The following CCDC171 variants were observed in gnomAD, a reference collection of about 807,000 sequenced individuals.
CCDC171 encodes the protein coiled-coil domain containing 171, also known as coiled-coil domain-containing protein 171.
Under a neutral mutation model 168.2 loss-of-function variants are expected in CCDC171, and 177 were observed. That is an observed-to-expected ratio of 1.05 (90% CI 0.93 to 1.19). The LOEUF (loss-of-function observed/expected upper bound fraction) is 1.19. Ranked by LOEUF, CCDC171 falls within the 50% of genes most tolerant of loss-of-function variation. CCDC171 has a pLI of 0.00. For missense variants in CCDC171, 1,991 were observed against 1,539.0 expected (o/e 1.29, Z -4.91); for synonymous variants, 687 against 540.8 (o/e 1.27, Z -3.75).
intron 21 of CCDC171, among the ~76,000 whole-genome samples, chr9:15,836,146 C>G (rs866478036): frequency 6.6e-6 from 1 of 151,912 alleles, no homozygotes; most frequent in Admixed American, 6.6e-5. Flanking sequence ...TATTAAATTG[C>G]CAAATGTAGA....
intron 8 of CCDC171, among the ~76,000 whole-genome samples, chr9:15,659,645 T>C (rs779459018): frequency 3.3e-5 from 5 of 152,188 alleles, no homozygotes; most frequent in Non-Finnish European, 5.9e-5. Flanking sequence ...TATGCACTTA[T>C]TTCCAGAAGA....
At position 15,802,204 on chromosome 9, in the gene CCDC171, C is replaced by CTTTA. The variant is rs986147980; in HGVS notation, c.3267+17526_3267+17529dup. Among the ~76,000 whole-genome samples, 11 of 151,462 alleles carry CTTTA rather than the reference C, an allele frequency of 7.3e-5. No homozygotes were observed. The East Asian group carries it at 1.9e-3, about 27-fold the overall frequency. On this transcript the variant is annotated intron_variant, in intron 21 of 25. Coordinates refer to ENST00000380701, the MANE Select transcript of CCDC171 (RefSeq NM_173550.4). ...TTTTTCCTACTGAGGGTTTATTGAG[C>CTTTA]TTTATTTATTTATTTATTTTTAAAT...
intron 6 of CCDC171, among the ~76,000 whole-genome samples, chr9:15,621,175 C>T (rs1186590290): frequency 5.9e-5 from 9 of 152,168 alleles, no homozygotes; most frequent in Admixed American, 5.9e-4. Context: ...CCATGTTGGC[C>T]AGGCTTGTCT....
At chr9:15,733,699 G>A (rs1406667280) in intron 16 of CCDC171, among the ~76,000 whole-genome samples, 3 of 151,436 alleles carry the variant, frequency 2.0e-5, no homozygotes, top group South Asian at 4.2e-4. Context: ...AAATCAGGTA[G>A]TGTGAGTCTT....
chr9:15,721,722 C>T (rs2053491476), intron 11 of CCDC171, 47 bp from the exon 12 acceptor site: 5 of 1,077,258 alleles, frequency 4.6e-6, no homozygotes, highest in Non-Finnish European at 6.5e-6. Context: ...TAAGTTTTGT[C>T]CCTTTGTGAC....
chr9:15,925,871 CT>C (rs1164893953), intron 25 of CCDC171, among the ~76,000 whole-genome samples: 2 of 151,582 alleles, frequency 1.3e-5, no homozygotes, highest in Non-Finnish European at 3.0e-5. Flanking sequence ...ATTTCCTTTC[CT>C]TTGGAACTCA....
chr9:16,040,375 C>T (rs2133054758), upstream of CCDC171, among the ~76,000 whole-genome samples: 1 of 152,262 alleles, frequency 6.6e-6, no homozygotes, highest in South Asian at 2.1e-4. Flanking sequence ...TTCCTGAGTT[C>T]TTGAAGGAAA....
chr9:15,771,124 TTTC>T (rs1344362755), intron 18 of CCDC171, among the ~76,000 whole-genome samples: 2 of 152,220 alleles, frequency 1.3e-5, no homozygotes, highest in African/African-American at 2.4e-5. Context: ...GTATTTATTT[TTTC>T]TTATTTTTTT....
chr9:15,829,124 C>G (rs2060130854), intron 21 of CCDC171, among the ~76,000 whole-genome samples: 1 of 152,094 alleles, frequency 6.6e-6, no homozygotes, highest in Non-Finnish European at 1.5e-5. Flanking sequence ...GTATAGACAC[C>G]CAAATTTCCT....
chr9:15,704,842 C>T (rs554894367), intron 11 of CCDC171, among the ~76,000 whole-genome samples: 1 of 152,204 alleles, frequency 6.6e-6, no homozygotes, highest in South Asian at 2.1e-4. Context: ...TAACAGTTTA[C>T]ACCTTGTTTC....
At chr9:15,746,486 T>TA (rs1457720039) in intron 18 of CCDC171, among the ~76,000 whole-genome samples, 1 of 152,216 alleles carries the variant, frequency 6.6e-6, no homozygotes, top group African/African-American at 2.4e-5. Context: ...AACCTCAAGA[T>TA]ACTGGGTTTG....
At chr9:15,582,594 A>C (rs145882318) in intron 4 of CCDC171, among the ~76,000 whole-genome samples, 1 of 152,204 alleles carries the variant, frequency 6.6e-6, no homozygotes, top group Non-Finnish European at 1.5e-5. Context: ...ATGGAATACT[A>C]TGCAGCCATA....
chr9:15,735,944 G>A (rs149418827), intron 16 of CCDC171, among the ~76,000 whole-genome samples: 181 of 152,180 alleles, frequency 1.2e-3, no homozygotes, highest in Non-Finnish European at 1.8e-3. Context: ...AATTGGCGTG[G>A]TGCTTGATAT....
intron 24 of CCDC171, among the ~76,000 whole-genome samples, chr9:15,896,445 T>G (rs1276439122): frequency 6.6e-6 from 1 of 151,944 alleles, no homozygotes; most frequent in African/African-American, 2.4e-5. Flanking sequence ...AAACTTTGAG[T>G]GATGGGATAA....
chr9:15,700,554 C>T (rs1023228060), intron 11 of CCDC171, among the ~76,000 whole-genome samples: 1 of 152,354 alleles, frequency 6.6e-6, no homozygotes, highest in South Asian at 2.1e-4. Context: ...GCAGAGGAGG[C>T]GCCGAGAGCA....
the CCDC171 span, among the ~76,000 whole-genome samples, chr9:16,066,682 A>G: frequency 2.8e-5 from 4 of 145,090 alleles, no homozygotes; most frequent in East Asian, 2.1e-4. Flanking sequence ...TCATTGTTCA[A>G]TTCCCACCTA....
chr9:16,087,261 C>G, the CCDC171 span, among the ~76,000 whole-genome samples: 1 of 152,156 alleles, frequency 6.6e-6, no homozygotes. Context: ...TGGTCCAGAG[C>G]TGAGTTCAAA....
intron 20 of CCDC171, among the ~76,000 whole-genome samples, chr9:15,782,128 C>T (rs2135453915): frequency 6.6e-6 from 1 of 152,278 alleles, no homozygotes; most frequent in South Asian, 2.1e-4. Context: ...GTGCCTGCAA[C>T]CATTTGTCTC....
At chr9:15,575,336 G>A (rs935804867) in intron 3 of CCDC171, among the ~76,000 whole-genome samples, 3 of 151,816 alleles carry the variant, frequency 2.0e-5, no homozygotes, top group African/African-American at 7.3e-5. Context: ...ACCATGCTTG[G>A]CTAATTTTTT....
Sources: allele counts gnomAD v4.1 joint callset (sites outside exome capture counted in the v4.1 genomes callset), GRCh38; gene constraint gnomAD v4.1.1; transcripts MANE v1.5; gene names NCBI Gene and HGNC (gene_info 2026-07-23, HGNC 2026-07-21).